Variants in ABLIM2 observed in about 807,000 individuals in gnomAD.
ABLIM2 encodes actin-binding LIM protein 2.
In ABLIM2, 53 loss-of-function variants were observed where a neutral mutation model predicts 97.7. The observed-to-expected ratio is 0.54, with a 90% CI of 0.44 to 0.68. The LOEUF is 0.68. ABLIM2 is among the 30% of genes least tolerant of loss of function. The pLI is 0.00. For synonymous variants in ABLIM2, 361 were observed against 345.8 expected, an observed-to-expected ratio of 1.04 and a Z score of -0.49; for missense variants, 835 against 867.2, an observed-to-expected ratio of 0.96 and a Z score of 0.47.
rs760467529 is a variant in ABLIM2, at chr4:8,061,830, A to C, written c.676-776T>G. ...CTAATCCCTACCTACATCTGAATTT[A>C]TAATAACCAGTTTCCTGAATCAGTA... On this transcript the variant is annotated intron_variant, in intron 6 of 20. Transcript: ENST00000447017. This position sits in a 1 kb window ranked among gnomAD's most constrained non-coding sequence, Gnocchi z 4.5. 1.3e-5 allele frequency among the ~76,000 whole-genome samples: 2 copies of C among 152,094 alleles called. No individual in the cohort carries two copies. Among genetic ancestry groups the C allele is most frequent in the Non-Finnish European group, 2.9e-5 (2 of 68,016 alleles).
chr4:8,153,522 AG>A (rs1232648266), intron 1 of ABLIM2, among the ~76,000 whole-genome samples: 2 of 150,846 alleles, frequency 1.3e-5, no homozygotes, highest in African/African-American at 5.0e-5. Context: ...TTTCTGGGTC[AG>A]GGGGGTCTGG....
In ABLIM2 at chr4:8,130,056, C is replaced by T. The variant is rs921308576; in HGVS notation, c.11-23419G>A. Among the ~76,000 whole-genome samples, 1 of 152,232 alleles carries T rather than the reference C, an allele frequency of 6.6e-6. No individual in the cohort carries two copies. The highest frequency in any genetic ancestry group is 2.4e-5 in the African/African-American group (1 of 41,460). On this transcript the variant is annotated intron_variant, in intron 1 of 20. Coordinates refer to ENST00000447017, the MANE Select transcript of ABLIM2 (RefSeq NM_001130083.2). The surrounding 1 kb of genome is among the most constrained non-coding windows in gnomAD (Gnocchi z 4.2). ...CCTGGGGTTCCCACGGAGAAGGAGC[C>T]TCAGATTCCCCTGGCCTCCAGCCTG...
intron 1 of ABLIM2, among the ~76,000 whole-genome samples, chr4:8,135,083 G>C (rs1303976962): frequency 2.0e-5 from 3 of 152,318 alleles, no homozygotes; most frequent in Non-Finnish European, 4.4e-5. Context: ...CTGATGGTGG[G>C]ACATGCCACA....
chr4:8,042,634 G>A (rs1413779524), intron 9 of ABLIM2, among the ~76,000 whole-genome samples: 1 of 152,156 alleles, frequency 6.6e-6, no homozygotes, highest in Non-Finnish European at 1.5e-5. Context: ...GAGGTCGGGA[G>A]TTTGAGACCA....
chr4:8,020,585 T>A (rs1015335915), intron 12 of ABLIM2: 1 of 517,366 alleles, frequency 1.9e-6, no homozygotes, highest in Non-Finnish European at 3.5e-6. Flanking sequence ...TAAGAACACC[T>A]TAGGGGGCTC....
chr4:7,977,876 T>C (rs999014818), intron 20 of ABLIM2, among the ~76,000 whole-genome samples: 1 of 152,050 alleles, frequency 6.6e-6, no homozygotes, highest in Non-Finnish European at 1.5e-5. Context: ...CCGTGTCAAA[T>C]TTGAAAGCAA....
intron 4 of ABLIM2, 131 bp from the exon 5 acceptor site, chr4:8,080,933 G>T: frequency 1.7e-6 from 2 of 1,168,560 alleles, no homozygotes; most frequent in Non-Finnish European, 2.4e-6. Context: ...CAGCCACAGC[G>T]AGTGTGCTTG....
rs1849142083 is a variant in ABLIM2, at chr4:8,130,018, G to A, written c.11-23381C>T. 6.6e-6 allele frequency among the ~76,000 whole-genome samples: 1 copy of A among 152,254 alleles called. No homozygotes were observed. Among genetic ancestry groups the A allele is most frequent in the Admixed American group, 6.5e-5 (1 of 15,292 alleles). ...ACAGCTGGTGCCCTGCGGGCTCCCA[G>A]CACTCAGCACTGCCTGGGGTTCCCA... On this transcript the variant is annotated intron_variant, in intron 1 of 20. Transcript: ENST00000447017. The surrounding 1 kb of genome is among the most constrained non-coding windows in gnomAD (Gnocchi z 4.2).
rs1203755143 is a variant in ABLIM2 at position 8,021,062 on chromosome 4, C to G, written c.1268-759G>C. ...GTAAAGATGGGGTTTTGCCACGTTG[C>G]CCTGGCTGGTCTTGAACTCCTGGGC... On this transcript the variant is annotated intron_variant, in intron 12 of 20. Coordinates refer to ENST00000447017, the MANE Select transcript of ABLIM2 (RefSeq NM_001130083.2). This position sits in a 1 kb window ranked among gnomAD's most constrained non-coding sequence, Gnocchi z 5.5. 1.3e-5 allele frequency among the ~76,000 whole-genome samples: 2 copies of G among 151,894 alleles called. No individual in the cohort carries two copies. Among genetic ancestry groups the G allele is most frequent in the Non-Finnish European group, 2.9e-5 (2 of 67,970 alleles).
At chr4:8,070,160 T>C (rs1810957435) in intron 6 of ABLIM2, among the ~76,000 whole-genome samples, 1 of 151,912 alleles carries the variant, frequency 6.6e-6, no homozygotes, top group Non-Finnish European at 1.5e-5. Context: ...CGTCTGTGTG[T>C]GTATGTGTGT....
In ABLIM2 at chr4:8,032,619, G is replaced by C; in HGVS notation, c.1048-2843C>G. Reference sequence around the variant, plus strand: ...AACCCAGGCAGCAGCGCCACGGCAAGCGGGGACAGGCGAGAGGGTGGTGGT... The same window carrying C: ...AACCCAGGCAGCAGCGCCACGGCAACCGGGGACAGGCGAGAGGGTGGTGGT... On this transcript the variant is annotated intron_variant, in intron 10 of 20. Coordinates refer to ENST00000447017, the MANE Select transcript of ABLIM2 (RefSeq NM_001130083.2). This position sits in a 1 kb window ranked among gnomAD's most constrained non-coding sequence, Gnocchi z 4.3. 1 of 1,612,278 alleles carries C rather than the reference G, an allele frequency of 6.2e-7. No homozygotes were observed. Among genetic ancestry groups the C allele is most frequent in the Non-Finnish European group, 8.5e-7 (1 of 1,179,740 alleles).
intron 16 of ABLIM2, among the ~76,000 whole-genome samples, chr4:7,995,781 G>T (rs1029748208): frequency 5.3e-5 from 8 of 152,240 alleles, no homozygotes; most frequent in Middle Eastern, 3.2e-3. Context: ...ACGAGGAGCT[G>T]GGAAGACAGA....
At chr4:8,158,578 T>A (rs1410304191) in intron 1 of ABLIM2, 102 bp downstream of exon 1, 19 of 1,386,874 alleles carry the variant, frequency 1.4e-5, no homozygotes, top group Non-Finnish European at 1.7e-5. Context: ...CGCTGGGTGA[T>A]TTTCCCCGGC....
At chr4:8,026,021 T>G (rs941483449) in intron 12 of ABLIM2, among the ~76,000 whole-genome samples, 9 of 152,236 alleles carry the variant, frequency 5.9e-5, no homozygotes, top group African/African-American at 2.2e-4. Flanking sequence ...TGTTTGTTGT[T>G]GTCTGAGACA....
intron 1 of ABLIM2, among the ~76,000 whole-genome samples, chr4:8,110,029 GCCT>G (rs1839527354): frequency 6.6e-6 from 1 of 152,226 alleles, no homozygotes; most frequent in Non-Finnish European, 1.5e-5. Context: ...TGGAATCGAA[GCCT>G]CCCAGTGCAG....
chr4:7,989,515 C>T (rs1747050824), intron 17 of ABLIM2: 6 of 739,144 alleles, frequency 8.1e-6, no homozygotes, highest in Non-Finnish European at 9.9e-6. Flanking sequence ...ATTATGCCTC[C>T]ATAATGAATT....
intron 1 of ABLIM2, among the ~76,000 whole-genome samples, chr4:8,118,136 G>C (rs577358774): frequency 6.6e-6 from 1 of 152,368 alleles, no homozygotes; most frequent in Admixed American, 6.5e-5. Context: ...GCTGTACTGA[G>C]CTTTTGGTGG....
chr4:8,133,591 G>A (rs920121941), intron 1 of ABLIM2, among the ~76,000 whole-genome samples: 5 of 152,236 alleles, frequency 3.3e-5, no homozygotes, highest in South Asian at 2.1e-4. Context: ...CCCTGGTTTC[G>A]GATCTGAAGA....
Position 8,032,583 on chromosome 4 carries a change from G to A in ABLIM2, c.1048-2807C>T. ...CCCTTCCCGGGAGTGCGGCTGGGTG[G>A]TTATGTTTATAACCCAGGCAGCAGC... is the stretch of plus-strand genomic sequence containing the variant. On this transcript the variant is annotated intron_variant, in intron 10 of 20. Coordinates refer to ENST00000447017, the MANE Select transcript of ABLIM2 (RefSeq NM_001130083.2). The surrounding 1 kb of genome is among the most constrained non-coding windows in gnomAD (Gnocchi z 4.3). 3 of 1,604,878 alleles carry A rather than the reference G, an allele frequency of 1.9e-6. No homozygotes were observed. In the Admixed American group the frequency reaches 5.0e-5, roughly 27 times the overall value.
Sources: gnomAD v4.1 joint callset for allele counts (sites outside exome capture counted in the v4.1 genomes callset) on GRCh38, gnomAD v4.1.1 for gene constraint, Gnocchi (gnomAD v3.1) non-coding constraint, MANE v1.5 for transcripts, NCBI Gene and HGNC (gene_info 2026-07-23, HGNC 2026-07-21) for gene names.